The following ROBO1 variants were observed in gnomAD, a reference collection of about 807,000 sequenced individuals.
ROBO1 encodes the protein roundabout homolog 1.
Under a neutral mutation model 195.9 loss-of-function variants are expected in ROBO1, and 149 were observed. The observed-to-expected ratio is 0.76, with a 90% CI of 0.67 to 0.87. The LOEUF (loss-of-function observed/expected upper bound fraction) is 0.87, where lower values mean the gene tolerates loss of function less well. Among genes scored for constraint, ROBO1 ranks in the 40% least tolerant of loss-of-function variants. The pLI is 0.00. For synonymous variants in ROBO1, 816 were observed against 733.2 expected, an observed-to-expected ratio of 1.11 and a Z score of -1.82; for missense variants, 1,933 against 2,068.3, an observed-to-expected ratio of 0.93 and a Z score of 1.27.
intron 4 of ROBO1, among the ~76,000 whole-genome samples, chr3:78,916,352 G>A (rs1193002303): frequency 1.3e-5 from 2 of 151,296 alleles, no homozygotes; most frequent in Non-Finnish European, 1.5e-5. Context: ...CAAAACTCGA[G>A]ACCAGCCTGG....
intron 3 of ROBO1, among the ~76,000 whole-genome samples, chr3:79,115,805 C>G (rs925932743): frequency 6.6e-6 from 1 of 152,160 alleles, no homozygotes; most frequent in Non-Finnish European, 1.5e-5. Context: ...TACCATACTT[C>G]CGTGCGTAGC....
At chr3:79,114,586 AT>A (rs1306053836) in intron 3 of ROBO1, among the ~76,000 whole-genome samples, 1 of 152,080 alleles carries the variant, frequency 6.6e-6, no homozygotes, top group Non-Finnish European at 1.5e-5. Context: ...CTCTATATGC[AT>A]TTATAAGGCA....
At chr3:78,922,429 A>C (rs1472601829) in intron 4 of ROBO1, among the ~76,000 whole-genome samples, 1 of 152,094 alleles carries the variant, frequency 6.6e-6, no homozygotes, top group African/African-American at 2.4e-5. Flanking sequence ...AAAAATATAC[A>C]AATTCTCATA....
intron 2 of ROBO1, among the ~76,000 whole-genome samples, chr3:79,550,191 GAAAGGAAAA>G (rs1351671229): frequency 0.023 from 2,013 of 86,622 alleles, 38 homozygotes; most frequent in Non-Finnish European, 0.028. Flanking sequence ...AAGAAAGAAA[GAAAGGAAAA>G]GAAAAGAAAA....
chr3:78,673,930 G>A (rs1027399320), intron 10 of ROBO1, among the ~76,000 whole-genome samples: 1 of 151,714 alleles, frequency 6.6e-6, no homozygotes, highest in Admixed American at 6.6e-5. Flanking sequence ...TATAAATTTG[G>A]CTATAAAATA....
chr3:78,784,406 G>A (rs945951684), intron 4 of ROBO1, among the ~76,000 whole-genome samples: 2 of 152,154 alleles, frequency 1.3e-5, no homozygotes, highest in Non-Finnish European at 2.9e-5. Context: ...AAATGTTCAA[G>A]AGCACAGGCA....
intron 10 of ROBO1, among the ~76,000 whole-genome samples, chr3:78,676,438 A>C (rs1298726453): frequency 1.3e-5 from 2 of 152,184 alleles, no homozygotes; most frequent in Non-Finnish European, 2.9e-5. Flanking sequence ...AAAAATTTAG[A>C]CGAATGTATA....
chr3:78,813,694 C>G (rs910836780), intron 4 of ROBO1, among the ~76,000 whole-genome samples: 1 of 152,080 alleles, frequency 6.6e-6, no homozygotes, highest in Non-Finnish European at 1.5e-5. Context: ...CATTCTGACT[C>G]TAGAGTCAAT....
chr3:79,639,559 G>A lies in ROBO1; in HGVS notation c.-50-49598C>T, dbSNP rs140523593. Among the ~76,000 whole-genome samples, 500 of 152,210 alleles carry A rather than the reference G, an allele frequency of 3.3e-3. 3 individuals carry two copies. Among genetic ancestry groups the A allele is most frequent in the African/African-American group, 0.011 (448 of 41,546 alleles). The stretch of plus-strand genomic sequence containing the variant: ...TTTGCACTACCAGGGAAAATGTCTA[G>A]CATTTACCTAGGTATGCTAATAGTT... On this transcript the variant is annotated intron_variant, in intron 1 of 30. Coordinates refer to ENST00000464233, the MANE Select transcript of ROBO1 (RefSeq NM_002941.4).
At chr3:78,950,225 A>G (rs948561648) in intron 3 of ROBO1, among the ~76,000 whole-genome samples, 6 of 152,044 alleles carry the variant, frequency 3.9e-5, no homozygotes, top group Non-Finnish European at 7.4e-5. Context: ...TGTTTACAGC[A>G]GCACTATTCA....
intron 8 of ROBO1, among the ~76,000 whole-genome samples, chr3:78,701,106 T>C (rs148829806): frequency 6.6e-6 from 1 of 152,306 alleles, no homozygotes; most frequent in East Asian, 1.9e-4. Context: ...GTTTACTACA[T>C]TGGATGACTT....
At chr3:79,445,969 A>T (rs932474565) in intron 2 of ROBO1, among the ~76,000 whole-genome samples, 14 of 151,542 alleles carry the variant, frequency 9.2e-5, no homozygotes, top group African/African-American at 3.4e-4. Context: ...GCAAATGTTT[A>T]AACTTTTTCA....
chr3:79,071,511 C>G (rs1447191620), intron 3 of ROBO1, among the ~76,000 whole-genome samples: 1 of 151,746 alleles, frequency 6.6e-6, no homozygotes, highest in Admixed American at 6.6e-5. Context: ...CAGTTACTCA[C>G]ATAATGTTTC....
intron 1 of ROBO1, among the ~76,000 whole-genome samples, chr3:79,677,361 T>C (rs1312074884): frequency 4.6e-5 from 7 of 151,970 alleles, no homozygotes; most frequent in Non-Finnish European, 7.4e-5. Flanking sequence ...AGAGGTTTAA[T>C]AGAGAACTCA....
intron 23 of ROBO1, chr3:78,634,545 C>T (rs1455029460): frequency 8.9e-6 from 3 of 338,304 alleles, no homozygotes; most frequent in Middle Eastern, 3.8e-4. Context: ...AATCTGCTTA[C>T]AAGCAGTATA....
intron 28 of ROBO1, 153 bp from the exon 29 acceptor site, chr3:78,607,194 A>AT (rs1703518110): frequency 1.5e-6 from 1 of 681,668 alleles, no homozygotes; most frequent in Admixed American, 3.0e-5. Context: ...AATACCCACA[A>AT]TTTTTTAAAA....
chr3:78,935,860 A>G (rs1435418553), intron 4 of ROBO1, among the ~76,000 whole-genome samples: 4 of 152,054 alleles, frequency 2.6e-5, no homozygotes, highest in Non-Finnish European at 4.4e-5. Flanking sequence ...TTACAAGTAA[A>G]AATGTTAGAG....
At chr3:79,330,086 G>A (rs1272668325) in intron 2 of ROBO1, among the ~76,000 whole-genome samples, 1 of 151,488 alleles carries the variant, frequency 6.6e-6, no homozygotes, top group Non-Finnish European at 1.5e-5. Flanking sequence ...ATTTAAAAGG[G>A]TGATCTAACT....
At chr3:78,982,404 T>C (rs2077016416) in intron 3 of ROBO1, among the ~76,000 whole-genome samples, 1 of 152,154 alleles carries the variant, frequency 6.6e-6, no homozygotes. Context: ...ACAGGGGAAG[T>C]GTTCCCTTCA....
Sources: allele counts gnomAD v4.1 joint callset (sites outside exome capture counted in the v4.1 genomes callset), GRCh38; gene constraint gnomAD v4.1.1; transcripts MANE v1.5; gene names NCBI Gene and HGNC (gene_info 2026-07-23, HGNC 2026-07-21).